The following NAV2 variants were observed in gnomAD, a reference collection of about 807,000 sequenced individuals.
NAV2 encodes the protein helicase, APC down-regulated 1.
NAV2 carries 54 observed loss-of-function variants against 223.2 expected under a neutral mutation model. The observed-to-expected ratio is 0.24, with a 90% CI of 0.19 to 0.30. The LOEUF is 0.30. Ranked by LOEUF, NAV2 falls within the 10% of genes least tolerant of loss-of-function variation. The pLI is 1.00. For synonymous variants in NAV2, 1,279 were observed against 1,239.3 expected (o/e 1.03, Z -0.67); for missense variants, 2,806 against 3,147.5 (o/e 0.89, Z 2.60).
chr11:20,113,213 G>A (rs967353938), intron 36 of NAV2, among the ~76,000 whole-genome samples: 1 of 152,136 alleles, frequency 6.6e-6, no homozygotes, highest in Non-Finnish European at 1.5e-5. Flanking sequence ...TGTAAATCAC[G>A]GATATTAGTA....
At chr11:19,707,256 C>T (rs1335639891) in intron 1 of NAV2, among the ~76,000 whole-genome samples, 4 of 152,160 alleles carry the variant, frequency 2.6e-5, no homozygotes, top group Admixed American at 6.6e-5. Flanking sequence ...CCTTAGTTAA[C>T]TGTAACTTTT....
intron 10 of NAV2, among the ~76,000 whole-genome samples, chr11:19,983,199 G>A (rs1245724092): frequency 2.0e-5 from 3 of 152,140 alleles, no homozygotes; most frequent in Non-Finnish European, 4.4e-5. Flanking sequence ...GGAAGCCAAG[G>A]TAGATATGAG....
intron 1 of NAV2, among the ~76,000 whole-genome samples, chr11:19,718,307 G>A (rs1254428168): frequency 6.6e-6 from 1 of 152,142 alleles, no homozygotes; most frequent in Non-Finnish European, 1.5e-5. Context: ...GGAGACATTA[G>A]CCTATTTTTA....
intron 1 of NAV2, among the ~76,000 whole-genome samples, chr11:19,762,574 G>A (rs1233045672): frequency 6.6e-6 from 1 of 151,576 alleles, no homozygotes; most frequent in East Asian, 1.9e-4. Flanking sequence ...CAACTACTTG[G>A]GTATCAGCAT....
intron 11 of NAV2, among the ~76,000 whole-genome samples, chr11:19,984,800 A>G (rs76417266): frequency 0.079 from 12,009 of 152,288 alleles, 512 homozygotes; most frequent in Middle Eastern, 0.092. Context: ...GGAAGAAAAG[A>G]GGTTCAGAAA....
chr11:19,866,107 T>C (rs1337147885), intron 3 of NAV2, among the ~76,000 whole-genome samples: 1 of 150,826 alleles, frequency 6.6e-6, no homozygotes, highest in Non-Finnish European at 1.5e-5. Flanking sequence ...TTGAGTGCCA[T>C]GCTGGCACAG....
intron 31 of NAV2, among the ~76,000 whole-genome samples, chr11:20,098,495 C>CTGTA (rs1314185886): frequency 1.2e-4 from 19 of 152,226 alleles, no homozygotes; most frequent in African/African-American, 4.6e-4. Flanking sequence ...TTCATAAATA[C>CTGTA]TGTACTAGGC....
intron 1 of NAV2, among the ~76,000 whole-genome samples, chr11:19,671,767 C>T (rs182183153): frequency 6.6e-6 from 1 of 152,192 alleles, no homozygotes; most frequent in Non-Finnish European, 1.5e-5. Flanking sequence ...AATGTAAAAA[C>T]CATTCTTAGC....
chr11:19,877,472 T>TTTTTTTTTTTTTCTTTTTTCTTTTA (rs1313196964), intron 4 of NAV2, among the ~76,000 whole-genome samples: 1 of 117,850 alleles, frequency 8.5e-6, no homozygotes, highest in Non-Finnish European at 1.7e-5. Context: ...TCTTCATTCT[T>TTTTTTTTTTTTTCTTTTTTCTTTTA]TTTTTTTTTT....
intron 1 of NAV2, among the ~76,000 whole-genome samples, chr11:19,360,157 T>A (rs148352787): frequency 6.6e-6 from 1 of 152,196 alleles, no homozygotes; most frequent in East Asian, 1.9e-4. Flanking sequence ...TTGGCCCCCA[T>A]CCTGTCTTTG....
At chr11:19,452,669 C>T (rs1851829618) in intron 1 of NAV2, among the ~76,000 whole-genome samples, 1 of 152,182 alleles carries the variant, frequency 6.6e-6, no homozygotes, top group Admixed American at 6.5e-5. Flanking sequence ...TTACATTAGC[C>T]TACATTTGGG....
intron 27 of NAV2, 96 bp downstream of exon 27, chr11:20,091,114 T>C: frequency 2.3e-6 from 3 of 1,323,974 alleles, no homozygotes; most frequent in Admixed American, 4.2e-5. Context: ...CATCAGAATC[T>C]GGTGGCGGCC....
chr11:19,408,172 G>A (rs1849984846), intron 1 of NAV2, among the ~76,000 whole-genome samples: 1 of 152,132 alleles, frequency 6.6e-6, no homozygotes, highest in Non-Finnish European at 1.5e-5. Flanking sequence ...CTGCACGTGG[G>A]GATGCATCCT....
chr11:19,455,285 G>A (rs1851922323), intron 1 of NAV2, among the ~76,000 whole-genome samples: 1 of 152,174 alleles, frequency 6.6e-6, no homozygotes, highest in South Asian at 2.1e-4. Context: ...CTGCTATGTG[G>A]AAAAGTGATG....
rs2049106037 is a variant in NAV2, at chr11:19,970,140, C to A, written c.2646-13985C>A. ...ATGACTAAAACCATGGAAGGTGAAA[C>A]CACAGACAAGGGAGGACTACAGTGA... On this transcript the variant is annotated intron_variant, in intron 10 of 37. Transcript: ENST00000349880. Among the ~76,000 whole-genome samples the A allele has an allele frequency of 2.6e-5, 4 of 152,140 alleles. No homozygotes were observed. In the South Asian group the frequency reaches 8.3e-4, roughly 32 times the overall value.
intron 1 of NAV2, among the ~76,000 whole-genome samples, chr11:19,728,800 A>G (rs2152405363): frequency 6.6e-6 from 1 of 152,358 alleles, no homozygotes; most frequent in Non-Finnish European, 1.5e-5. Flanking sequence ...AGAAAAGTCC[A>G]AGGCAGAACT....
At chr11:19,969,844 G>T (rs2049072056) in intron 10 of NAV2, among the ~76,000 whole-genome samples, 1 of 151,938 alleles carries the variant, frequency 6.6e-6, no homozygotes, top group Admixed American at 6.6e-5. Context: ...TACTCAGGAG[G>T]CTGAGGCAGG....
Position 20,095,689 on chromosome 11 carries a change from C to G in NAV2, c.5934C>G (p.Leu1978=), listed in dbSNP as rs34775480. Residue 1978 remains leucine, a synonymous_variant, in exon 30 of 38, where the codon CTC becomes CTG. Transcript: ENST00000349880. ...ACCCTTAGGATTCCAGACCACATCTCTTTCTTATTGGCTGCATTGGAGTTA... is the reference window on the plus strand; with the variant it reads ...ACCCTTAGGATTCCAGACCACATCTGTTTCTTATTGGCTGCATTGGAGTTA... ...MKWKEDSRPH[L]FLIGCIGVSG... is the part of the protein sequence containing the mutation. 2.1e-3 allele frequency: 3,381 copies of G among 1,613,682 alleles called. 54 individuals carry two copies. The African/African-American group carries it at 0.041, about 20-fold the overall frequency.
At chr11:19,499,391 G>A (rs561610653) in intron 1 of NAV2, among the ~76,000 whole-genome samples, 1 of 152,330 alleles carries the variant, frequency 6.6e-6, no homozygotes, top group Middle Eastern at 3.4e-3. Context: ...GGTCAAGGTG[G>A]GAAAGGGCAG....
Sources: allele counts gnomAD v4.1 joint callset (sites outside exome capture counted in the v4.1 genomes callset), GRCh38; gene constraint gnomAD v4.1.1; transcripts MANE v1.5; gene names NCBI Gene and HGNC (gene_info 2026-07-23, HGNC 2026-07-21).